The following MAP3K19 variants were observed in gnomAD, a reference collection of about 807,000 sequenced individuals.
The protein encoded by MAP3K19 is SPS1/STE20-related protein kinase YSK4.
Under a neutral mutation model 114.4 loss-of-function variants are expected in MAP3K19, and 91 were observed. The observed-to-expected ratio is 0.80, with a 90% CI of 0.67 to 0.95. The LOEUF (loss-of-function observed/expected upper bound fraction) is 0.95, where lower values mean the gene tolerates loss of function less well. Among genes scored for constraint, MAP3K19 ranks in the 40% least tolerant of loss-of-function variants. The pLI is 0.00. For synonymous variants in MAP3K19, 518 were observed against 530.5 expected (o/e 0.98, Z 0.32); for missense variants, 1,471 against 1,573.2 (o/e 0.94, Z 1.10).
intron 1 of MAP3K19, among the ~76,000 whole-genome samples, chr2:135,043,978 A>C (rs1285151545): frequency 6.6e-6 from 1 of 152,358 alleles, no homozygotes; most frequent in East Asian, 1.9e-4. Flanking sequence ...AATAGATATT[A>C]GTTTCCCCTT....
intron 12 of MAP3K19, among the ~76,000 whole-genome samples, chr2:134,970,781 T>C (rs1683818894): frequency 1.3e-5 from 2 of 152,018 alleles, no homozygotes; most frequent in African/African-American, 4.8e-5. Flanking sequence ...GTATTTTTAG[T>C]AGAGATGGGG....
chr2:135,021,671 G>C, intron 5 of MAP3K19, 44 bp downstream of exon 5: 1 of 1,061,004 alleles, frequency 9.4e-7, no homozygotes, highest in Non-Finnish European at 1.4e-6. Flanking sequence ...TAAAGTAGTA[G>C]ATGGAGTAGG....
At chr2:135,016,267 G>A (rs1240742423) in intron 5 of MAP3K19, among the ~76,000 whole-genome samples, 2 of 152,178 alleles carry the variant, frequency 1.3e-5, no homozygotes, top group African/African-American at 4.8e-5. Context: ...CATGCATATT[G>A]TTTTGTATAT....
intron 1 of MAP3K19, among the ~76,000 whole-genome samples, chr2:135,040,732 G>T (rs1466853363): frequency 6.6e-6 from 1 of 152,162 alleles, no homozygotes; most frequent in Non-Finnish European, 1.5e-5. Flanking sequence ...ACCAGGCTTG[G>T]TTCTTTGTGT....
chr2:135,026,408 G>A (rs2104778394), intron 3 of MAP3K19, among the ~76,000 whole-genome samples: 1 of 152,160 alleles, frequency 6.6e-6, no homozygotes. Flanking sequence ...GGCTGAAGTA[G>A]CTTCAAAATT....
At chr2:134,978,873 CT>C (rs1684425375) in intron 12 of MAP3K19, among the ~76,000 whole-genome samples, 1 of 152,130 alleles carries the variant, frequency 6.6e-6, no homozygotes, top group African/African-American at 2.4e-5. Flanking sequence ...TCTTTATGGC[CT>C]TTTCTACCCC....
intron 11 of MAP3K19, 142 bp downstream of exon 11, chr2:134,983,534 T>C (rs562466851): frequency 3.1e-6 from 2 of 643,778 alleles, no homozygotes; most frequent in South Asian, 4.2e-5. Context: ...TTGGATTTTC[T>C]GTTACTTCCA....
At position 134,986,710 on chromosome 2, in the gene MAP3K19, G is replaced by A. The variant is rs1685144950; in HGVS notation, c.2162C>T (p.Thr721Ile). ...TGAAGTCTTTGGGCATTTCATATGT[G>A]TTTTTTTCTGAGAAAGTCTTGTTCT... ...NIRTRLSQKK[T>I]HMKCPKTSFG... is the part of the protein sequence containing the mutation. The change falls in exon 10 of 13, where the codon ACA (threonine) becomes ATA (isoleucine). Residue 721 changes from threonine to isoleucine, a missense_variant. Physicochemically the swap from Thr to Ile is moderately conservative, Grantham distance 89. Transcript: ENST00000392915. 6.2e-7 allele frequency: 1 copy of A among 1,613,966 alleles called. No homozygotes were observed. Among genetic ancestry groups the A allele is most frequent in the Non-Finnish European group, 8.5e-7 (1 of 1,179,978 alleles).
intron 2 of MAP3K19, among the ~76,000 whole-genome samples, chr2:135,032,006 T>G (rs1030498262): frequency 2.6e-4 from 39 of 152,152 alleles, no homozygotes; most frequent in African/African-American, 8.9e-4. Context: ...AAATCAAAAA[T>G]TCAGATAACA....
intron 9 of MAP3K19, chr2:134,991,332 CAAAA>C: frequency 2.1e-5 from 12 of 577,970 alleles, no homozygotes; most frequent in Non-Finnish European, 2.8e-5. Context: ...CAAAACAAAA[CAAAA>C]CAACCGGTAG....
At chr2:135,011,138 G>T (rs1687194656) in intron 5 of MAP3K19, among the ~76,000 whole-genome samples, 1 of 152,142 alleles carries the variant, frequency 6.6e-6, no homozygotes, top group Non-Finnish European at 1.5e-5. Flanking sequence ...TAAACCACTA[G>T]GGAAGGAAAG....
At position 135,003,111 on chromosome 2, in the gene MAP3K19, C is replaced by G. The variant is rs368215158; in HGVS notation, c.235+2324G>C. Among the ~76,000 whole-genome samples, 160 of 152,266 alleles carry G rather than the reference C, an allele frequency of 1.1e-3. 1 individual carries two copies. Among genetic ancestry groups the G allele is most frequent in the African/African-American group, 3.5e-3 (144 of 41,552 alleles). ...CTCTGTGTGCACAGAGGAAAGACCA[C>G]GTGGGGACAGACCAGCCATCTGCAA... On this transcript the variant is annotated intron_variant, in intron 6 of 12. Transcript: ENST00000392915.
intron 5 of MAP3K19, among the ~76,000 whole-genome samples, chr2:135,007,052 T>G (rs1262595119): frequency 6.6e-6 from 1 of 151,200 alleles, no homozygotes; most frequent in Admixed American, 6.6e-5. Context: ...TAGTCCCAAC[T>G]ACTCAGGAGG....
At chr2:134,968,807 G>A (rs1464912753) in intron 12 of MAP3K19, among the ~76,000 whole-genome samples, 12 of 151,568 alleles carry the variant, frequency 7.9e-5, no homozygotes, top group African/African-American at 2.9e-4. Flanking sequence ...CTGGGAAGAG[G>A]CGCTCCTCAC....
chr2:134,968,128 T>C (rs1027922735), intron 12 of MAP3K19, among the ~76,000 whole-genome samples: 3 of 152,266 alleles, frequency 2.0e-5, no homozygotes, highest in South Asian at 2.1e-4. Flanking sequence ...CTAATCCATT[T>C]AACCCTGAGT....
chr2:135,010,313 G>A lies in MAP3K19; in HGVS notation c.139-4782C>T, dbSNP rs371740493. ...TAAGATCTACTTTGAAGGTGATGACGGAAGTGAAGACTCAAACAGAAACAG... is the reference window on the plus strand; with the variant it reads ...TAAGATCTACTTTGAAGGTGATGACAGAAGTGAAGACTCAAACAGAAACAG... On this transcript the variant is annotated intron_variant, in intron 5 of 12. Transcript: ENST00000392915. Among the ~76,000 whole-genome samples the A allele has an allele frequency of 2.6e-4, 40 of 152,242 alleles. No homozygotes were observed. The South Asian group carries it at 5.6e-3, about 21-fold the overall frequency.
chr2:135,011,107 G>T (rs1280742710), intron 5 of MAP3K19, among the ~76,000 whole-genome samples: 1 of 152,242 alleles, frequency 6.6e-6, no homozygotes, highest in East Asian at 1.9e-4. Flanking sequence ...AGAAAAGAGT[G>T]AAAGGGATTT....
intron 3 of MAP3K19, among the ~76,000 whole-genome samples, chr2:135,025,013 T>C (rs544440486): frequency 6.6e-6 from 1 of 152,306 alleles, no homozygotes; most frequent in Admixed American, 6.5e-5. Flanking sequence ...CAAAAATTTT[T>C]ATAATTCTTT....
chr2:135,036,483 T>C (rs1281635083), intron 2 of MAP3K19, among the ~76,000 whole-genome samples: 1 of 152,196 alleles, frequency 6.6e-6, no homozygotes, highest in Non-Finnish European at 1.5e-5. Flanking sequence ...AATAATTAAA[T>C]GTTTATTTGA....
Sources: allele counts gnomAD v4.1 joint callset (sites outside exome capture counted in the v4.1 genomes callset), GRCh38; gene constraint gnomAD v4.1.1; transcripts MANE v1.5; gene names NCBI Gene and HGNC (gene_info 2026-07-23, HGNC 2026-07-21).